Variants in RMDN3 observed in about 807,000 individuals in gnomAD.
RMDN3 encodes the protein regulator of microtubule dynamics 3.
RMDN3 carries 41 observed loss-of-function variants against 61.8 expected under a neutral mutation model. The observed-to-expected ratio is 0.66, with a 90% confidence interval of 0.52 to 0.86. The LOEUF is 0.86. Ranked by LOEUF, RMDN3 falls within the 40% of genes least tolerant of loss-of-function variation. RMDN3 has a pLI of 0.00. For missense variants in RMDN3, 557 were observed against 585.3 expected, an observed-to-expected ratio of 0.95 and a Z score of 0.50; for synonymous variants, 247 against 232.0, an observed-to-expected ratio of 1.06 and a Z score of -0.59.
chr15:40,738,585 GA>G lies in RMDN3; in HGVS notation c.972-10del, dbSNP rs752847251. On this transcript the variant is annotated splice_polypyrimidine_tract_variant and intron_variant, in intron 7 of 12. Coordinates refer to ENST00000338376, the MANE Select transcript of RMDN3 (RefSeq NM_018145.3). The stretch of plus-strand genomic sequence containing the variant: ...CACAAAGCACCGCATACCTAGGGGG[GA>G]AGCAGCAAGCTCAGGGACAAGGGCT... The G allele has an allele frequency of 1.9e-6, 3 of 1,614,008 alleles. No individual in the cohort carries two copies. Among genetic ancestry groups the G allele is most frequent in the Non-Finnish European group, 2.5e-6 (3 of 1,179,944 alleles).
In RMDN3 at chr15:40,738,525, G is replaced by A; in HGVS notation, c.1023C>T (p.Arg341=). The A allele has an allele frequency of 6.2e-7, 1 of 1,614,154 alleles. No homozygotes were observed. Among genetic ancestry groups the A allele is most frequent in the African/African-American group, 1.3e-5 (1 of 75,032 alleles). Residue 341 remains arginine, a synonymous_variant, in exon 8 of 13, where the codon CGC becomes CGT. Coordinates refer to ENST00000338376, the MANE Select transcript of RMDN3 (RefSeq NM_018145.3). ...QLAEHESIQR[R]IQSGFSFKEH... ...CCTTGAAGCTAAAGCCACTCTGGAT[G>A]CGCCTCTGGATGCTCTCATGCTCAG... is the stretch of plus-strand genomic sequence containing the variant.
rs1226245847 is a variant in RMDN3, at chr15:40,736,525, G to A, written c.*16C>T. 2.5e-6 allele frequency: 4 copies of A among 1,612,380 alleles called. No homozygotes were observed. The highest frequency in any genetic ancestry group is 3.4e-6 in the Non-Finnish European group (4 of 1,178,538). On this transcript the variant is annotated 3_prime_UTR_variant, in exon 13 of 13. Transcript: ENST00000338376. ...TTAAATAGTGGCATCAAGTCATGAA[G>A]GCCAGTGAAACGTGGTTAGTCTCGT...
intron 5 of RMDN3, among the ~76,000 whole-genome samples, chr15:40,744,755 C>G (rs1265516034): frequency 1.3e-5 from 2 of 152,086 alleles, no homozygotes; most frequent in African/African-American, 4.8e-5. Context: ...GGGGAGGCAG[C>G]TCTGGGGCAA....
In RMDN3 at chr15:40,737,181, G is replaced by GTTTTTCCCTAGT; in HGVS notation, c.1290_1301dup (p.Lys433_Asn434insLysLeuGlyLys). The GTTTTTCCCTAGT allele has an allele frequency of 6.2e-7, 1 of 1,614,212 alleles. No individual in the cohort carries two copies. Among genetic ancestry groups the GTTTTTCCCTAGT allele is most frequent in the Non-Finnish European group, 8.5e-7 (1 of 1,180,032 alleles). On this transcript the variant is annotated inframe_insertion, in exon 12 of 13. Transcript: ENST00000338376. ...ACTTCATCCACCATCTAGCTTCAGA[G>GTTTTTCCCTAGT]TTTTTCCCTAGTTCTCTGTAGCACT...
Position 40,739,908 on chromosome 15 carries a change from A to G in RMDN3, c.971+225T>C, listed in dbSNP as rs537971604. 5.3e-5 allele frequency among the ~76,000 whole-genome samples: 8 copies of G among 152,310 alleles called. No homozygotes were observed. In the Middle Eastern group the frequency reaches 0.01, roughly 194 times the overall value. On this transcript the variant is annotated intron_variant, in intron 7 of 12. Coordinates refer to ENST00000338376, the MANE Select transcript of RMDN3 (RefSeq NM_018145.3). Reference sequence around the variant, plus strand: ...TCATTTCTCCAAGCCCCATCAGAAAAAAAGCTTGTATTCCCCGCTTGCCTC... The same window carrying G: ...TCATTTCTCCAAGCCCCATCAGAAAGAAAGCTTGTATTCCCCGCTTGCCTC...
rs759225626 is a variant in RMDN3, at chr15:40,745,104, A to G, written c.680T>C (p.Leu227Pro). The change falls in exon 5 of 13, where the codon CTG becomes CCG. Residue 227 changes from leucine (L) to proline (P), a missense_variant. Leu to Pro is a moderately conservative substitution (Grantham distance 98). Coordinates refer to ENST00000338376, the MANE Select transcript of RMDN3 (RefSeq NM_018145.3). ...EEAASGASSALEAGGSSGLED... is the reference protein window; with the variant it reads ...EEAASGASSAPEAGGSSGLED... Reference sequence around the variant, plus strand: ...CAAGCCTGAGGAACCTCCAGCCTCCAGGGCACTGGAGGCACCTGAAGCTGC... The same window carrying G: ...CAAGCCTGAGGAACCTCCAGCCTCCGGGGCACTGGAGGCACCTGAAGCTGC... 6.2e-6 allele frequency: 10 copies of G among 1,614,030 alleles called. No individual in the cohort carries two copies. The highest frequency in any genetic ancestry group is 8.5e-6 in the Non-Finnish European group (10 of 1,180,028).
Position 40,738,581 on chromosome 15 carries a change from G to C in RMDN3, c.972-5C>G, listed in dbSNP as rs368334556. ...TGACCACAAAGCACCGCATACCTAGGGGGGAAGCAGCAAGCTCAGGGACAA... is the reference window on the plus strand; with the variant it reads ...TGACCACAAAGCACCGCATACCTAGCGGGGAAGCAGCAAGCTCAGGGACAA... On this transcript the variant is annotated splice_polypyrimidine_tract_variant and splice_region_variant and intron_variant, in intron 7 of 12. Coordinates refer to ENST00000338376, the MANE Select transcript of RMDN3 (RefSeq NM_018145.3). 1.4e-5 allele frequency: 23 copies of C among 1,613,910 alleles called. No homozygotes were observed. The highest frequency in any genetic ancestry group is 5.3e-5 in the African/African-American group (4 of 74,894).
At chr15:40,744,383 T>C in intron 5 of RMDN3, 2 of 480,654 alleles carry the variant, frequency 4.2e-6, no homozygotes. Flanking sequence ...GGTGAGGGCA[T>C]TCTGACCTCC....
chr15:40,743,804 A>T (rs939448527), intron 6 of RMDN3, among the ~76,000 whole-genome samples: 8 of 152,246 alleles, frequency 5.3e-5, no homozygotes, highest in African/African-American at 1.9e-4. Flanking sequence ...GATAGGATAC[A>T]ACTACTCCTA....
chr15:40,736,368 ATTAGGTTAGAGGTTAGAATAAATTAAC>A lies in RMDN3; in HGVS notation c.*146_*172del. 3.4e-6 allele frequency: 2 copies of A among 596,404 alleles called. No homozygotes were observed. The highest frequency in any genetic ancestry group is 4.4e-5 in the South Asian group (2 of 45,840). 36.9% of individuals were successfully genotyped at this position (596,404 alleles called of 1,614,324 possible). ...GCCATGAGTACTGCCCCAATTCTAG[ATTAGGTTAGAGGTTAGAATAAATTAAC>A]TAATGGGGAGTGGTAGTGGGTAGCA... On this transcript the variant is annotated 3_prime_UTR_variant, in exon 13 of 13. Coordinates refer to ENST00000338376, the MANE Select transcript of RMDN3 (RefSeq NM_018145.3).
chr15:40,737,031 T>C, intron 12 of RMDN3, 93 bp downstream of exon 12: 1 of 1,026,132 alleles, frequency 9.7e-7, no homozygotes, highest in South Asian at 1.3e-5. Context: ...TTTTGTAATT[T>C]TAGTAGAGAT....
At chr15:40,750,100 C>T (rs756564958) in intron 4 of RMDN3, among the ~76,000 whole-genome samples, 6 of 151,998 alleles carry the variant, frequency 3.9e-5, no homozygotes, top group Non-Finnish European at 7.4e-5. Context: ...CAGGGTCTCA[C>T]TCTGTCACCC....
At chr15:40,754,529 C>T in intron 2 of RMDN3, 68 bp downstream of exon 2, 1 of 1,462,786 alleles carries the variant, frequency 6.8e-7, no homozygotes, top group Non-Finnish European at 9.2e-7. Context: ...ACAGTCTCCA[C>T]CGAAAGCAGC....
At position 40,746,381 on chromosome 15, in the gene RMDN3, T is replaced by C. The variant is rs554142504; in HGVS notation, c.525-1122A>G. 2.4e-4 allele frequency among the ~76,000 whole-genome samples: 36 copies of C among 152,110 alleles called. No homozygotes were observed. In the South Asian group the frequency reaches 7.5e-3, roughly 32 times the overall value. ...AATACAAAAAATTAGCCAGGCATGG[T>C]GGCAGGTGCCTGTAGTCCCAGCTAC... On this transcript the variant is annotated intron_variant, in intron 4 of 12. Coordinates refer to ENST00000338376, the MANE Select transcript of RMDN3 (RefSeq NM_018145.3).
rs1395700987 is a variant in RMDN3, at chr15:40,752,175, A to G, written c.191T>C (p.Met64Thr). The G allele has an allele frequency of 8.1e-6, 13 of 1,612,870 alleles. No homozygotes were observed. The highest frequency in any genetic ancestry group is 1.1e-5 in the Non-Finnish European group (13 of 1,179,288). Reference sequence around the variant, plus strand: ...CCCACCTGGGACAGCCCGCAGGAGCATCACTGAAGGGGGAAACGAATGGGA... The same window carrying G: ...CCCACCTGGGACAGCCCGCAGGAGCGTCACTGAAGGGGGAAACGAATGGGA... ...TQTSDPGRHV[M>T]LLRAVPGGAG... The change falls in exon 3 of 13, where the codon ATG becomes ACG. Residue 64 changes from methionine to threonine, a missense_variant. Met to Thr is a moderately conservative substitution (Grantham distance 81). Coordinates refer to ENST00000338376, the MANE Select transcript of RMDN3 (RefSeq NM_018145.3).
intron 6 of RMDN3, among the ~76,000 whole-genome samples, chr15:40,741,817 C>G (rs1181761006): frequency 2.0e-5 from 3 of 151,200 alleles, no homozygotes; most frequent in Non-Finnish European, 4.4e-5. Flanking sequence ...TTAGTAGAGA[C>G]AGTTTTGCCT....
rs1461880252 is a variant in RMDN3 at position 40,751,464 on chromosome 15, G to A, written c.486C>T (p.Ser162=). The A allele has an allele frequency of 1.9e-6, 3 of 1,614,232 alleles. No homozygotes were observed. The highest frequency in any genetic ancestry group is 3.3e-5 in the Admixed American group (2 of 60,030). The change falls in exon 4 of 13, where the codon TCC becomes TCT. Residue 162 remains serine (S), a synonymous_variant. Coordinates refer to ENST00000338376, the MANE Select transcript of RMDN3 (RefSeq NM_018145.3). Reference sequence around the variant, plus strand: ...CAGCATCTGTGAACGTGGCTCCCGAGGAGGCCGTGAAGTAGACAGAGCTGG... The same window carrying A: ...CAGCATCTGTGAACGTGGCTCCCGAAGAGGCCGTGAAGTAGACAGAGCTGG... ...TGSSSVYFTA[S]SGATFTDAES...
rs1195826485 is a variant in RMDN3, at chr15:40,740,253, G to A, written c.911-60C>T. 5 of 1,154,974 alleles carry A rather than the reference G, an allele frequency of 4.3e-6. No individual in the cohort carries two copies. The South Asian group carries it at 6.4e-5, about 15-fold the overall frequency. The allele number at this position is 1,154,974 out of a possible 1,614,324, so 71.5% of individuals were successfully genotyped here. A position where few individuals can be genotyped will look rare whatever the true frequency, so the allele number is the denominator to read the frequency against. ...CTCTTATGCACACTTTCATAGGAAG[G>A]CTTGTGGGAAGAATGACTGCTTTAG... On this transcript the variant is annotated intron_variant, in intron 6 of 12. Transcript: ENST00000338376.
At chr15:40,741,682 T>C (rs1210596790) in intron 6 of RMDN3, among the ~76,000 whole-genome samples, 1 of 135,342 alleles carries the variant, frequency 7.4e-6, no homozygotes, top group Non-Finnish European at 1.5e-5. Context: ...CAGGCTGGAG[T>C]GCAATAGCAC....
Sources: gnomAD v4.1 joint callset for allele counts (sites outside exome capture counted in the v4.1 genomes callset) on GRCh38, gnomAD v4.1.1 for gene constraint, MANE v1.5 for transcripts, NCBI Gene and HGNC (gene_info 2026-07-23, HGNC 2026-07-21) for gene names.